The following DLG5 variants were observed in gnomAD, a reference collection of about 807,000 sequenced individuals.
DLG5 encodes disks large homolog 5.
A neutral mutation model predicts 189.8 loss-of-function variants in DLG5; 48 were observed. The ratio of observed to expected loss-of-function variants is 0.25; its 90% CI spans 0.20 to 0.32. The LOEUF (loss-of-function observed/expected upper bound fraction) is 0.32, where lower values mean the gene tolerates loss of function less well. Among genes scored for constraint, DLG5 ranks in the 10% least tolerant of loss-of-function variants. The pLI, the probability that DLG5 is intolerant of heterozygous loss-of-function variation, is 1.00. For synonymous variants in DLG5, 1,016 were observed against 1,054.1 expected (o/e 0.96, Z 0.70); for missense variants, 2,160 against 2,544.7 (o/e 0.85, Z 3.25).
chr10:77,806,634 A>G (rs1310940651), intron 26 of DLG5, 124 bp downstream of exon 26: 1 of 1,319,876 alleles, frequency 7.6e-7, no homozygotes, highest in Non-Finnish European at 1.0e-6. Flanking sequence ...GCAGAAGCTA[A>G]GATAAGAAGC....
chr10:77,933,808 C>T, the DLG5 span, among the ~76,000 whole-genome samples: 1 of 152,136 alleles, frequency 6.6e-6, no homozygotes, highest in Admixed American at 6.6e-5. Context: ...CAACCATGCT[C>T]CAGTCCCTGG....
At chr10:77,816,159 G>A (rs1410641258) in intron 20 of DLG5, 1 of 498,676 alleles carries the variant, frequency 2.0e-6, no homozygotes, top group Non-Finnish European at 3.9e-6. Flanking sequence ...TCCAACGTCT[G>A]GATCCAGTTT....
chr10:77,936,446 C>CAAAAAAAAAAAAA, the DLG5 span, among the ~76,000 whole-genome samples: 1 of 52,102 alleles, frequency 1.9e-5, no homozygotes, highest in Non-Finnish European at 3.3e-5. Context: ...CAAAACAAAA[C>CAAAAAAAAAAAAA]AAAAAAAAAA....
intron 27 of DLG5, among the ~76,000 whole-genome samples, chr10:77,799,157 T>C (rs1841076544): frequency 6.6e-6 from 1 of 152,198 alleles, no homozygotes; most frequent in African/African-American, 2.4e-5. Flanking sequence ...TGACTCCAAC[T>C]GGAGAAGAAA....
intron 20 of DLG5, 86 bp from the exon 21 acceptor site, chr10:77,812,463 T>G: frequency 6.7e-7 from 1 of 1,483,576 alleles, no homozygotes; most frequent in Non-Finnish European, 9.1e-7. Context: ...GCATATGATC[T>G]GACAGTGCAG....
At chr10:77,905,853 A>G (rs1437938612) in intron 1 of DLG5, among the ~76,000 whole-genome samples, 1 of 152,106 alleles carries the variant, frequency 6.6e-6, no homozygotes, top group Admixed American at 6.6e-5. Flanking sequence ...TAATCTGTTC[A>G]TATTCTTGCA....
Position 77,821,991 on chromosome 10 carries a change from G to T in DLG5, c.2493C>A (p.Asn831Lys). 1 of 1,614,236 alleles carries T rather than the reference G, an allele frequency of 6.2e-7. No individual in the cohort carries two copies. Among genetic ancestry groups the T allele is most frequent in the South Asian group, 1.1e-5 (1 of 91,092 alleles). ...TATTGTGCTGTATCAAGTTCCGTTTGTTATGAGCCTGGACCTCCGGGCCAT... is the reference window on the plus strand; with the variant it reads ...TATTGTGCTGTATCAAGTTCCGTTTTTTATGAGCCTGGACCTCCGGGCCAT... Reference protein sequence around the residue: ...RAHGPEVQAHNKRNLIQHNNS... With the variant: ...RAHGPEVQAHKKRNLIQHNNS... The change falls in exon 15 of 32, where the codon AAC (asparagine) becomes AAA (lysine). Residue 831 changes from asparagine to lysine, a missense_variant. This residue lies in a region of DLG5 where 754 missense variants were observed against 746.5 expected (regional missense o/e 1.01). Transcript: ENST00000372391.
chr10:77,847,271 G>A (rs866487371), intron 5 of DLG5, among the ~76,000 whole-genome samples: 125 of 152,222 alleles, frequency 8.2e-4, no homozygotes, highest in African/African-American at 2.9e-3. Flanking sequence ...CTTCCACCAC[G>A]ATGACGGCCA....
intron 1 of DLG5, among the ~76,000 whole-genome samples, chr10:77,915,251 C>A (rs1296896106): frequency 1.3e-5 from 2 of 151,382 alleles, no homozygotes; most frequent in Non-Finnish European, 2.9e-5. Context: ...TGCTTGAACC[C>A]GGGGGACGAA....
chr10:77,846,467 G>T (rs1343993919), intron 5 of DLG5, among the ~76,000 whole-genome samples: 8 of 152,102 alleles, frequency 5.3e-5, no homozygotes, highest in Admixed American at 5.2e-4. Flanking sequence ...GGGAGGCCGA[G>T]GTGAGCAGAT....
intron 6 of DLG5, among the ~76,000 whole-genome samples, chr10:77,842,724 G>C (rs550945606): frequency 1.3e-5 from 2 of 152,148 alleles, no homozygotes; most frequent in Non-Finnish European, 1.5e-5. Flanking sequence ...CATAGACACC[G>C]GTTCTGCATG....
intron 1 of DLG5, among the ~76,000 whole-genome samples, chr10:77,883,254 C>T (rs1037124254): frequency 2.6e-5 from 4 of 151,928 alleles, no homozygotes; most frequent in Admixed American, 6.6e-5. Flanking sequence ...TCATGGGGTA[C>T]GGGTAGGGAG....
intron 1 of DLG5, among the ~76,000 whole-genome samples, chr10:77,911,066 A>C (rs1846206779): frequency 6.6e-6 from 1 of 152,126 alleles, no homozygotes; most frequent in Non-Finnish European, 1.5e-5. Flanking sequence ...TGGAATGAGA[A>C]TAGAGGTTAC....
intron 20 of DLG5, chr10:77,816,278 G>C: frequency 1.5e-6 from 1 of 678,308 alleles, no homozygotes; most frequent in Non-Finnish European, 2.7e-6. Context: ...CCAGGAAGGT[G>C]TAAATGGTGC....
chr10:77,881,808 G>A lies in DLG5; in HGVS notation c.305-12611C>T, dbSNP rs1044688641. 2.0e-5 allele frequency among the ~76,000 whole-genome samples: 3 copies of A among 152,198 alleles called. No homozygotes were observed. In the East Asian group the frequency reaches 5.8e-4, roughly 29 times the overall value. ...TCAAGGTAAGCTGAGTCATCAGCCAGAGAAAATGATGGCTCTGGGAACTGC... is the reference window on the plus strand; with the variant it reads ...TCAAGGTAAGCTGAGTCATCAGCCAAAGAAAATGATGGCTCTGGGAACTGC... On this transcript the variant is annotated intron_variant, in intron 1 of 31. Coordinates refer to ENST00000372391, the MANE Select transcript of DLG5 (RefSeq NM_004747.4).
rs113846974 is a variant in DLG5 at position 77,812,042 on chromosome 10, G to T, written c.4204C>A (p.Leu1402Met). ...GCCTGCTGCTCCGTGGCGCTCCGCA[G>T]GTTTATGCCGTTGAACTGGGGAAAC... ...DQLLEFNGIN[L>M]RSATEQQARL... The change falls in exon 22 of 32, where the codon CTG becomes ATG. Residue 1402 changes from leucine (L) to methionine (M), a missense_variant. Leu to Met is a conservative substitution (Grantham distance 15). This residue lies in a region of DLG5 where 61 missense variants were observed against 101.0 expected (regional missense o/e 0.60). Coordinates refer to ENST00000372391, the MANE Select transcript of DLG5 (RefSeq NM_004747.4). 1 of 1,610,450 alleles carries T rather than the reference G, an allele frequency of 6.2e-7. No individual in the cohort carries two copies. Among genetic ancestry groups the T allele is most frequent in the Non-Finnish European group, 8.5e-7 (1 of 1,179,988 alleles).
intron 20 of DLG5, among the ~76,000 whole-genome samples, chr10:77,814,293 T>C (rs776534017): frequency 2.0e-5 from 3 of 151,996 alleles, no homozygotes; most frequent in Non-Finnish European, 4.4e-5. Context: ...TAATCTTTAC[T>C]TTATAGTCTT....
chr10:77,838,760 G>C (rs946018689), intron 7 of DLG5, among the ~76,000 whole-genome samples: 9 of 152,238 alleles, frequency 5.9e-5, no homozygotes, highest in African/African-American at 1.9e-4. Flanking sequence ...GCTGACCCCT[G>C]ACAGGCAGCA....
intron 1 of DLG5, among the ~76,000 whole-genome samples, chr10:77,876,739 G>A (rs1361457784): frequency 3.5e-4 from 4 of 11,352 alleles, no homozygotes; most frequent in Non-Finnish European, 5.9e-4. Context: ...AGGAAGGGAA[G>A]GAAGGAAGGA....
Sources: gnomAD v4.1 joint callset for allele counts (sites outside exome capture counted in the v4.1 genomes callset) on GRCh38, gnomAD v4.1.1 for gene constraint, gnomAD v4.1.1 regional missense constraint, MANE v1.5 for transcripts, NCBI Gene and HGNC (gene_info 2026-07-23, HGNC 2026-07-21) for gene names.